The following KLRC1 variants were observed in gnomAD, a reference collection of about 807,000 sequenced individuals.
The protein encoded by KLRC1 is NKG2-A/NKG2-B type II integral membrane protein.
A neutral mutation model predicts 25.9 loss-of-function variants in KLRC1; 22 were observed. The observed-to-expected ratio is 0.85, with a 90% CI of 0.61 to 1.21. The LOEUF (loss-of-function observed/expected upper bound fraction) is 1.21. Among genes scored for constraint, KLRC1 ranks in the 50% most tolerant of loss-of-function variants. KLRC1 has a pLI of 0.00. For synonymous variants in KLRC1, 77 were observed against 93.1 expected, an observed-to-expected ratio of 0.83 and a Z score of 0.99; for missense variants, 240 against 272.2, an observed-to-expected ratio of 0.88 and a Z score of 0.83.
chr12:10,451,900 CAT>C (rs1024029233), intron 1 of KLRC1, among the ~76,000 whole-genome samples: 1 of 151,262 alleles, frequency 6.6e-6, no homozygotes, highest in Non-Finnish European at 1.5e-5. Context: ...GTAAAGTTGA[CAT>C]ATATATATAT....
At chr12:10,453,423 A>G, upstream of KLRC1, 1 of 895,998 alleles carries the variant, frequency 1.1e-6, no homozygotes, top group Non-Finnish European at 1.3e-6. Flanking sequence ...TTGAACAGGA[A>G]ATTCTACACA....
At chr12:10,447,724 C>T (rs1383621118) in intron 5 of KLRC1, 92 bp from the exon 6 acceptor site, 5 of 1,011,384 alleles carry the variant, frequency 4.9e-6, no homozygotes, top group African/African-American at 4.9e-5. Flanking sequence ...ATTTGCAGTG[C>T]CAAAAACTTT....
chr12:10,454,453 C>A (rs1020487685), upstream of KLRC1: 4 of 207,822 alleles, frequency 1.9e-5, no homozygotes, highest in Non-Finnish European at 2.5e-5. Flanking sequence ...AGGAGACTCA[C>A]ACACTAGTGT....
At chr12:10,450,252 A>G in intron 3 of KLRC1, 1 of 468,560 alleles carries the variant, frequency 2.1e-6, no homozygotes, top group Non-Finnish European at 3.7e-6. Context: ...CTCCTAGAAC[A>G]TATTTTTGAG....
Position 10,453,194 on chromosome 12 carries a change from A to G in KLRC1, c.-32+4T>C, listed in dbSNP as rs1246616112. ...GTAGAGAGTTGGAGAGTAGCAATAC[A>G]TACCTTCTGTCCCCAGAAAGTCACA... On this transcript the variant is annotated splice_donor_region_variant and intron_variant, in intron 1 of 6. Transcript: ENST00000359151. 2 of 984,312 alleles carry G rather than the reference A, an allele frequency of 2.0e-6. No individual in the cohort carries two copies. Among genetic ancestry groups the G allele is most frequent in the Non-Finnish European group, 2.4e-6 (2 of 829,020 alleles). 61.0% of individuals were successfully genotyped at this position (984,312 alleles called of 1,614,324 possible). A position where few individuals can be genotyped will look rare whatever the true frequency, so the allele number is the denominator to read the frequency against.
rs147685682 is a variant in KLRC1, at chr12:10,446,993, A to G, written c.591-331T>C. Among the ~76,000 whole-genome samples, 105 of 152,334 alleles carry G rather than the reference A, an allele frequency of 6.9e-4. 3 individuals carry two copies. In the East Asian group the frequency reaches 0.02, roughly 29 times the overall value. Reference sequence around the variant, plus strand: ...AGATTGACAACAATAACTACTAATAACAAAATTATAGCAATATGCCAACAG... The same window carrying G: ...AGATTGACAACAATAACTACTAATAGCAAAATTATAGCAATATGCCAACAG... On this transcript the variant is annotated intron_variant, in intron 6 of 6. Transcript: ENST00000359151.
intron 1 of KLRC1, 117 bp downstream of exon 1, chr12:10,453,081 T>C (rs1187463432): frequency 7.1e-6 from 2 of 281,376 alleles, no homozygotes; most frequent in Admixed American, 1.3e-4. Flanking sequence ...AAGACAGCAA[T>C]ATTCTACTTT....
upstream of KLRC1, among the ~76,000 whole-genome samples, chr12:10,453,856 T>C (rs1864167587): frequency 1.3e-5 from 2 of 152,178 alleles, no homozygotes; most frequent in Non-Finnish European, 2.9e-5. Context: ...CTTCTCTTAG[T>C]TCTTAAATTT....
At chr12:10,447,490 TTA>T (rs200322769) in intron 6 of KLRC1, 40 bp downstream of exon 6, 80 of 1,392,782 alleles carry the variant, frequency 5.7e-5, no homozygotes, top group South Asian at 1.0e-4. Flanking sequence ...AATTTATCCT[TTA>T]TATATATATT....
At chr12:10,451,383 C>T (rs1284528138) in intron 1 of KLRC1, 196 bp from the exon 2 acceptor site, 1 of 322,454 alleles carries the variant, frequency 3.1e-6, no homozygotes. Context: ...TTAGGCCGGG[C>T]GCGGTGGCTC....
chr12:10,450,903 C>T, intron 2 of KLRC1, 67 bp downstream of exon 2: 1 of 1,198,650 alleles, frequency 8.3e-7, no homozygotes, highest in African/African-American at 1.5e-5. Flanking sequence ...CTTCTCTTTC[C>T]CCACATTCCT....
At position 10,450,519 on chromosome 12, in the gene KLRC1, A is replaced by G. The variant is rs1423581887; in HGVS notation, c.248T>C (p.Leu83Ser). 1 of 1,610,286 alleles carries G rather than the reference A, an allele frequency of 6.2e-7. No homozygotes were observed. Among genetic ancestry groups the G allele is most frequent in the Non-Finnish European group, 8.5e-7 (1 of 1,176,770 alleles). Residue 83 changes from leucine (L) to serine (S), a missense_variant, in exon 3 of 7, where the codon TTA (leucine) becomes TCA (serine). Leu to Ser is a moderately radical substitution (Grantham distance 145). Transcript: ENST00000359151. Reference protein sequence around the residue: ...VGILGIICLILMASVVTIVVI... With the variant: ...VGILGIICLISMASVVTIVVI... ...AACTATCGTTACCACAGAGGCCATT[A>G]AGATAAGACAGATAATTCCCAGGAT...
chr12:10,445,737 T>C (rs1273063668), downstream of KLRC1, among the ~76,000 whole-genome samples: 2 of 152,136 alleles, frequency 1.3e-5, no homozygotes, highest in South Asian at 2.1e-4. Context: ...AATAAGTAGA[T>C]ATAAAATCAA....
chr12:10,447,441 T>C, intron 6 of KLRC1, 91 bp downstream of exon 6: 1 of 1,127,400 alleles, frequency 8.9e-7, no homozygotes, highest in Non-Finnish European at 1.3e-6. Flanking sequence ...TTTCTTCATC[T>C]CTATGATTCC....
upstream of KLRC1, chr12:10,453,418 C>A (rs1370488271): frequency 1.1e-6 from 1 of 951,462 alleles, no homozygotes; most frequent in East Asian, 1.2e-4. Flanking sequence ...AAGGTTTGAA[C>A]AGGAAATTCT....
chr12:10,450,470 G>C lies in KLRC1; in HGVS notation c.283+14C>G. 6.8e-7 allele frequency: 1 copy of C among 1,468,714 alleles called. No homozygotes were observed. Among genetic ancestry groups the C allele is most frequent in the Non-Finnish European group, 9.5e-7 (1 of 1,055,004 alleles). 91.0% of individuals were successfully genotyped at this position (1,468,714 alleles called of 1,614,324 possible). A position where few individuals can be genotyped will look rare whatever the true frequency, so the allele number is the denominator to read the frequency against. ...CGTGAAAATTCCCCTTGTAATCTTC[G>C]AAAATAGACTTACAGGGAATAACAA... On this transcript the variant is annotated intron_variant, in intron 3 of 6. Transcript: ENST00000359151.
At chr12:10,449,557 G>A (rs71451718) in intron 4 of KLRC1, among the ~76,000 whole-genome samples, 169 bp from the exon 5 acceptor site, 2 of 152,024 alleles carry the variant, frequency 1.3e-5, no homozygotes, top group South Asian at 2.1e-4. Flanking sequence ...ACACACATGC[G>A]CAATAAAGGG....
intron 6 of KLRC1, chr12:10,447,112 C>G (rs1864002881): frequency 9.4e-6 from 2 of 213,142 alleles, no homozygotes; most frequent in South Asian, 1.6e-4. Context: ...TAGTCCAGCT[C>G]GAGCTTGTCC....
chr12:10,443,706 A>G (rs1401047590), downstream of KLRC1, among the ~76,000 whole-genome samples: 7 of 141,402 alleles, frequency 5.0e-5, 1 homozygote, highest in Admixed American at 4.9e-4. Context: ...TTAATTTCAC[A>G]TATTTTTCCC....
Sources: allele counts gnomAD v4.1 joint callset (sites outside exome capture counted in the v4.1 genomes callset), GRCh38; gene constraint gnomAD v4.1.1; transcripts MANE v1.5; gene names NCBI Gene and HGNC (gene_info 2026-07-23, HGNC 2026-07-21).